Variants in FER1L6 observed in about 807,000 individuals in gnomAD.
The protein encoded by FER1L6 is fer-1-like protein 6.
A neutral mutation model predicts 219.2 loss-of-function variants in FER1L6; 177 were observed. The ratio of observed to expected loss-of-function variants is 0.81; its 90% CI spans 0.71 to 0.91. The LOEUF is 0.91. FER1L6 is among the 40% of genes least tolerant of loss of function. FER1L6 has a pLI of 0.00. For missense variants in FER1L6, 2,153 were observed against 2,259.9 expected (o/e 0.95, Z 0.96); for synonymous variants, 768 against 824.3 (o/e 0.93, Z 1.17).
intron 1 of FER1L6, among the ~76,000 whole-genome samples, chr8:123,867,605 A>G (rs1011756403): frequency 3.3e-5 from 5 of 152,130 alleles, no homozygotes; most frequent in Non-Finnish European, 7.4e-5. Context: ...ATCTCTTAGT[A>G]CCTACCTTCT....
At chr8:123,951,279 A>C (rs1017137288) in intron 1 of FER1L6, among the ~76,000 whole-genome samples, 1 of 152,212 alleles carries the variant, frequency 6.6e-6, no homozygotes, top group African/African-American at 2.4e-5. Context: ...TGTGGGGCAC[A>C]GTTTTAGAAA....
chr8:123,886,863 G>A (rs1817211792), intron 1 of FER1L6, among the ~76,000 whole-genome samples: 1 of 152,194 alleles, frequency 6.6e-6, no homozygotes, highest in Non-Finnish European at 1.5e-5. Flanking sequence ...GACAATAATG[G>A]TGGTCCTACC....
chr8:123,963,148 C>A, intron 2 of FER1L6, 130 bp from the exon 3 acceptor site: 2 of 1,188,540 alleles, frequency 1.7e-6, no homozygotes, highest in Non-Finnish European at 2.3e-6. Context: ...AAGTTTTATG[C>A]TGGCAGAGTC....
intron 35 of FER1L6, 111 bp downstream of exon 35, chr8:124,095,149 G>A: frequency 7.1e-7 from 1 of 1,407,764 alleles, no homozygotes; most frequent in Non-Finnish European, 9.7e-7. Context: ...AGCAATGTCT[G>A]GAATCATTTT....
chr8:123,877,723 T>C (rs1266501299), intron 1 of FER1L6, among the ~76,000 whole-genome samples: 1 of 149,394 alleles, frequency 6.7e-6, no homozygotes, highest in East Asian at 2.0e-4. Context: ...AATATGTATG[T>C]GAAATACGCT....
intron 33 of FER1L6, among the ~76,000 whole-genome samples, chr8:124,084,030 A>T (rs562973939): frequency 1.3e-4 from 19 of 151,926 alleles, no homozygotes; most frequent in Non-Finnish European, 2.6e-4. Flanking sequence ...AGCTATTGTA[A>T]ATGGGATTGC....
chr8:123,982,224 T>C (rs141542914), intron 11 of FER1L6, among the ~76,000 whole-genome samples: 2 of 152,314 alleles, frequency 1.3e-5, no homozygotes, highest in African/African-American at 4.8e-5. Context: ...TAAGCTGATA[T>C]CTCCATCTAT....
At chr8:124,012,394 C>T (rs937912333) in intron 14 of FER1L6, among the ~76,000 whole-genome samples, 3 of 152,180 alleles carry the variant, frequency 2.0e-5, no homozygotes, top group Non-Finnish European at 4.4e-5. Context: ...CTCCAAGAGT[C>T]TTGACAAAGC....
At chr8:123,915,819 A>G (rs938973388) in intron 1 of FER1L6, among the ~76,000 whole-genome samples, 1 of 152,190 alleles carries the variant, frequency 6.6e-6, no homozygotes, top group Non-Finnish European at 1.5e-5. Context: ...AGAAGAATGA[A>G]GAGGAAATAA....
chr8:124,014,875 A>G (rs1184098135), intron 15 of FER1L6, among the ~76,000 whole-genome samples: 1 of 152,202 alleles, frequency 6.6e-6, no homozygotes, highest in Non-Finnish European at 1.5e-5. Context: ...GGTGTGGCTC[A>G]GCTGAGTCCT....
At chr8:124,102,243 G>T (rs1287508381) in intron 38 of FER1L6, among the ~76,000 whole-genome samples, 1 of 152,144 alleles carries the variant, frequency 6.6e-6, no homozygotes, top group East Asian at 1.9e-4. Flanking sequence ...GAGAGGAGGA[G>T]TCTATTCAGA....
chr8:124,006,621 A>T (rs1411522092), intron 13 of FER1L6, among the ~76,000 whole-genome samples: 1 of 152,216 alleles, frequency 6.6e-6, no homozygotes, highest in Non-Finnish European at 1.5e-5. Flanking sequence ...ATGCATTCAC[A>T]TGCAGCTTAT....
Position 123,908,930 on chromosome 8 carries a change from G to A in FER1L6, c.-7-47062G>A, listed in dbSNP as rs570048426. On this transcript the variant is annotated intron_variant, in intron 1 of 40. Transcript: ENST00000522917. ...CAAATTCAAATGTCTAAGGGGTCAA[G>A]CGTATCACTATTATGAGTGAAGCTA... is the stretch of plus-strand genomic sequence containing the variant. Among the ~76,000 whole-genome samples, 4 of 152,308 alleles carry A rather than the reference G, an allele frequency of 2.6e-5. No individual in the cohort carries two copies. The South Asian group carries it at 8.3e-4, about 32-fold the overall frequency.
At chr8:124,057,505 A>G (rs745539991) in intron 22 of FER1L6, among the ~76,000 whole-genome samples, 1 of 151,952 alleles carries the variant, frequency 6.6e-6, no homozygotes, top group Non-Finnish European at 1.5e-5. Flanking sequence ...TGATGTTTTA[A>G]ATTAGTTTTG....
chr8:123,888,989 A>G (rs1046578878), intron 1 of FER1L6, among the ~76,000 whole-genome samples: 2 of 152,252 alleles, frequency 1.3e-5, no homozygotes, highest in Non-Finnish European at 2.9e-5. Flanking sequence ...TATTGACAAC[A>G]TAAACATAGA....
At chr8:123,875,244 C>T (rs1816987296) in intron 1 of FER1L6, among the ~76,000 whole-genome samples, 1 of 152,156 alleles carries the variant, frequency 6.6e-6, no homozygotes, top group African/African-American at 2.4e-5. Flanking sequence ...CTTCTGTACT[C>T]ACTGTCGTCA....
rs1418936306 is a variant in FER1L6, at chr8:124,101,360, G to A, written c.5125+22G>A. On this transcript the variant is annotated intron_variant, in intron 38 of 40. Transcript: ENST00000522917. The stretch of plus-strand genomic sequence containing the variant: ...CTGGGTAAGCCAGTGGCTTCATCAA[G>A]CACATATTAATGTTAAGGGTTTTGT... 1.0e-5 allele frequency: 16 copies of A among 1,605,738 alleles called. No homozygotes were observed. The Middle Eastern group carries it at 5.1e-4, about 52-fold the overall frequency.
chr8:124,097,760 C>A (rs751756202), intron 36 of FER1L6, 25 bp from the exon 37 acceptor site: 3 of 1,270,226 alleles, frequency 2.4e-6, no homozygotes, highest in African/African-American at 2.9e-5. Flanking sequence ...GGTCATCGAC[C>A]TAATGCTTCC....
intron 1 of FER1L6, among the ~76,000 whole-genome samples, chr8:123,936,092 G>A (rs780159046): frequency 6.6e-6 from 1 of 152,168 alleles, no homozygotes; most frequent in Admixed American, 6.5e-5. Flanking sequence ...ATAAGCCTGC[G>A]TATTAGGATG....
Sources: allele counts gnomAD v4.1 joint callset (sites outside exome capture counted in the v4.1 genomes callset), GRCh38; gene constraint gnomAD v4.1.1; transcripts MANE v1.5; gene names NCBI Gene and HGNC (gene_info 2026-07-23, HGNC 2026-07-21).